The following ADGRB3 variants were observed in gnomAD, a reference collection of about 807,000 sequenced individuals.
ADGRB3 encodes the protein adhesion G protein-coupled receptor B3.
ADGRB3 carries 37 observed loss-of-function variants against 193.4 expected under a neutral mutation model. The observed-to-expected ratio is 0.19, with a 90% confidence interval of 0.15 to 0.25. The LOEUF is 0.25. Among genes scored for constraint, ADGRB3 ranks in the 10% least tolerant of loss-of-function variants. The pLI, the probability that ADGRB3 is intolerant of heterozygous loss-of-function variation, is 1.00. For missense variants in ADGRB3, 1,637 were observed against 1,852.9 expected, an observed-to-expected ratio of 0.88 and a Z score of 2.14; for synonymous variants, 690 against 644.2, an observed-to-expected ratio of 1.07 and a Z score of -1.08.
chr6:68,679,183 A>G (rs1307909233), intron 3 of ADGRB3, among the ~76,000 whole-genome samples: 3 of 152,220 alleles, frequency 2.0e-5, no homozygotes, highest in Admixed American at 6.5e-5. Flanking sequence ...ATCAAAATCA[A>G]TTGTGCACTA....
intron 10 of ADGRB3, among the ~76,000 whole-genome samples, chr6:68,980,240 A>G (rs866511966): frequency 6.6e-6 from 1 of 151,518 alleles, no homozygotes. Context: ...AGTCATCTTT[A>G]CCTAACATTT....
chr6:68,660,104 G>A (rs2127286840), intron 3 of ADGRB3, among the ~76,000 whole-genome samples: 1 of 150,814 alleles, frequency 6.6e-6, no homozygotes, highest in Admixed American at 6.6e-5. Context: ...ATTCGTATAA[G>A]CACATTTTAG....
In ADGRB3 at chr6:68,948,278, C is replaced by T. The variant is rs542835777; in HGVS notation, c.1195+4284C>T. ...ATGGTTTAGGTCTAACTAGAGATAA[C>T]AGTTTTTCTGTGAGCATCAGGCAAG... On this transcript the variant is annotated intron_variant, in intron 6 of 31. Transcript: ENST00000370598. 4.6e-5 allele frequency among the ~76,000 whole-genome samples: 7 copies of T among 152,210 alleles called. 1 individual carries two copies. The highest frequency in any genetic ancestry group is 1.4e-4 in the African/African-American group (6 of 41,554).
chr6:68,712,983 T>C (rs1765430715), intron 3 of ADGRB3, among the ~76,000 whole-genome samples: 1 of 152,002 alleles, frequency 6.6e-6, no homozygotes, highest in Non-Finnish European at 1.5e-5. Flanking sequence ...AAATGCCTCT[T>C]TGACATTCAA....
intron 3 of ADGRB3, among the ~76,000 whole-genome samples, chr6:68,714,814 A>G (rs1176649965): frequency 6.6e-6 from 1 of 151,792 alleles, no homozygotes; most frequent in African/African-American, 2.4e-5. Context: ...TTACATCTGG[A>G]ATTCCTTTTC....
intron 12 of ADGRB3, among the ~76,000 whole-genome samples, chr6:69,014,600 C>G (rs867376807): frequency 2.0e-5 from 3 of 152,002 alleles, no homozygotes; most frequent in South Asian, 4.1e-4. Context: ...TATGCTTTAT[C>G]AGTGTAGCAA....
At chr6:69,286,840 G>T (rs1016692575) in intron 20 of ADGRB3, among the ~76,000 whole-genome samples, 91 of 152,166 alleles carry the variant, frequency 6.0e-4, no homozygotes, top group Non-Finnish European at 1.5e-4. Context: ...ATGCTATTGA[G>T]AATTAAATTA....
intron 3 of ADGRB3, among the ~76,000 whole-genome samples, chr6:68,662,624 C>T (rs553708317): frequency 5.0e-4 from 76 of 151,520 alleles, no homozygotes; most frequent in African/African-American, 1.7e-3. Context: ...AGTGTCCGTA[C>T]ACAAAAGTGA....
intron 29 of ADGRB3, among the ~76,000 whole-genome samples, chr6:69,364,446 A>T (rs1415158570): frequency 6.6e-6 from 1 of 152,096 alleles, no homozygotes; most frequent in African/African-American, 2.4e-5. Context: ...TCCAGCCTTC[A>T]TGGGAGTTTG....
intron 17 of ADGRB3, among the ~76,000 whole-genome samples, chr6:69,212,447 T>C (rs1407275204): frequency 6.6e-6 from 1 of 152,138 alleles, no homozygotes; most frequent in African/African-American, 2.4e-5. Flanking sequence ...AAGAGCTAAA[T>C]TACACAATTT....
In ADGRB3 at chr6:68,639,170, G is replaced by C. The variant is rs1485879875; in HGVS notation, c.495G>C (p.Gln165His). 1.1e-5 allele frequency: 18 copies of C among 1,614,184 alleles called. No homozygotes were observed. Among genetic ancestry groups the C allele is most frequent in the Non-Finnish European group, 1.5e-5 (18 of 1,180,042 alleles). Reference sequence around the variant, plus strand: ...TATTGAACAAGGTCAGCCCAAGCCAGTTTGGTTGCCATGTATTATGTACTT... The same window carrying C: ...TATTGAACAAGGTCAGCCCAAGCCACTTTGGTTGCCATGTATTATGTACTT... ...FLVLNKVSPS[Q>H]FGCHVLCTWL... is the part of the protein sequence containing the mutation. The change falls in exon 3 of 32, where the codon CAG becomes CAC. Residue 165 changes from glutamine (Q) to histidine (H), a missense_variant. Gln to His is a conservative substitution (Grantham distance 24, BLOSUM62 0). Coordinates refer to ENST00000370598, the MANE Select transcript of ADGRB3 (RefSeq NM_001704.3).
chr6:68,945,093 AC>A (rs747882170), intron 6 of ADGRB3, among the ~76,000 whole-genome samples: 52 of 152,150 alleles, frequency 3.4e-4, no homozygotes, highest in Non-Finnish European at 5.6e-4. Context: ...AATATATAAA[AC>A]GTGAAGAATA....
At chr6:69,225,046 T>A (rs988154948) in intron 17 of ADGRB3, among the ~76,000 whole-genome samples, 1 of 152,192 alleles carries the variant, frequency 6.6e-6, no homozygotes, top group Non-Finnish European at 1.5e-5. Context: ...ACTGTTTTGA[T>A]CTGCATTGTA....
intron 20 of ADGRB3, among the ~76,000 whole-genome samples, chr6:69,251,400 A>AT (rs1766616775): frequency 6.6e-6 from 1 of 152,032 alleles, no homozygotes; most frequent in Non-Finnish European, 1.5e-5. Context: ...TTACTTTGTA[A>AT]TCTTATTTTA....
At chr6:68,934,341 G>A (rs1168540673) in intron 4 of ADGRB3, among the ~76,000 whole-genome samples, 1 of 152,118 alleles carries the variant, frequency 6.6e-6, no homozygotes, top group African/African-American at 2.4e-5. Context: ...AGCCTGTTCA[G>A]CATCATTGCA....
intron 10 of ADGRB3, among the ~76,000 whole-genome samples, chr6:68,982,856 C>T (rs541320831): frequency 3.9e-5 from 6 of 152,226 alleles, no homozygotes; most frequent in Non-Finnish European, 5.9e-5. Flanking sequence ...CTGCCTCACC[C>T]GTGCTTGACC....
chr6:69,007,637 C>T (rs564681038), intron 11 of ADGRB3, among the ~76,000 whole-genome samples: 2 of 150,756 alleles, frequency 1.3e-5, no homozygotes, highest in Non-Finnish European at 2.9e-5. Context: ...TTAGAAAGTT[C>T]TTTCCTGATG....
At chr6:69,064,483 T>A (rs1771841102) in intron 16 of ADGRB3, among the ~76,000 whole-genome samples, 1 of 152,034 alleles carries the variant, frequency 6.6e-6, no homozygotes, top group Non-Finnish European at 1.5e-5. Flanking sequence ...CCTCATACCT[T>A]AGTATAGCCC....
intron 8 of ADGRB3, among the ~76,000 whole-genome samples, chr6:68,960,136 T>C (rs1439666348): frequency 2.0e-5 from 3 of 152,176 alleles, no homozygotes; most frequent in Non-Finnish European, 2.9e-5. Flanking sequence ...ATAACTCCAA[T>C]TCTAGGATCA....
Sources: allele counts gnomAD v4.1 joint callset (sites outside exome capture counted in the v4.1 genomes callset), GRCh38; gene constraint gnomAD v4.1.1; transcripts MANE v1.5; gene names NCBI Gene and HGNC (gene_info 2026-07-23, HGNC 2026-07-21).